The following CEP295 variants were observed in gnomAD, a reference collection of about 807,000 sequenced individuals.
CEP295 encodes the protein centrosomal protein 295.
Under a neutral mutation model 291.6 loss-of-function variants are expected in CEP295, and 190 were observed. The ratio of observed to expected loss-of-function variants is 0.65; its 90% confidence interval spans 0.58 to 0.73. CEP295 has a LOEUF of 0.73. Among genes scored for constraint, CEP295 ranks in the 30% least tolerant of loss-of-function variants. CEP295 has a pLI of 0.00. For synonymous variants in CEP295, 993 were observed against 1,038.8 expected, an observed-to-expected ratio of 0.96 and a Z score of 0.85; for missense variants, 2,863 against 2,949.4, an observed-to-expected ratio of 0.97 and a Z score of 0.68.
rs758795453 is a variant in CEP295 at position 93,725,657 on chromosome 11, G to A, written c.6325G>A (p.Asp2109Asn). ...PDNRDFYQRS[D>N]SSSESHCATG... ...CCCTTTTGTTTCCTGCCAGAGATCA[G>A]ATTCTTCATCTGAAAGCCACTGTGC... Residue 2109 changes from aspartate (D) to asparagine (N), a missense_variant, in exon 23 of 30, where the codon GAT (aspartate) becomes AAT (asparagine). Asp to Asn is a conservative substitution (Grantham distance 23). Transcript: ENST00000325212. The A allele has an allele frequency of 5.9e-6, 9 of 1,537,988 alleles. No homozygotes were observed. In the South Asian group the frequency reaches 1.1e-4, roughly 19 times the overall value.
chr11:93,694,744 C>T (rs994931790), intron 12 of CEP295, among the ~76,000 whole-genome samples: 1 of 152,230 alleles, frequency 6.6e-6, no homozygotes, highest in Admixed American at 6.5e-5. Context: ...TTTCATCACA[C>T]TACTTAGAAT....
chr11:93,707,974 T>C (rs1049789499), intron 18 of CEP295, among the ~76,000 whole-genome samples: 1 of 152,232 alleles, frequency 6.6e-6, no homozygotes, highest in African/African-American at 2.4e-5. Context: ...CTGTAAAGGA[T>C]ATAATTTTCA....
chr11:93,713,636 AGATAGTCTTC>A, intron 18 of CEP295, among the ~76,000 whole-genome samples: 1 of 152,176 alleles, frequency 6.6e-6, no homozygotes, highest in South Asian at 2.1e-4. Context: ...AAATGCCTTG[AGATAGTCTTC>A]TTTGGGTTAA....
rs186069638 is a variant in CEP295 at position 93,725,778 on chromosome 11, C to G, written c.6446C>G (p.Thr2149Ser). Residue 2149 changes from threonine to serine, a missense_variant, in exon 23 of 30, where the codon ACT (threonine) becomes AGT (serine). By Grantham distance (58) the Thr-to-Ser change is moderately conservative (BLOSUM62 1). This residue lies in a region of CEP295 where 2,295 missense variants were observed against 2,335.7 expected (regional missense o/e 0.98). Transcript: ENST00000325212. ...LNTSPNQQPD[T>S]NLAHVGAHSF... is the part of the protein sequence containing the mutation. ...ACAAGTCCGAATCAACAACCTGACA[C>G]TAACTTGGCTCATGTTGGAGCTCAC... 409 of 1,551,688 alleles carry G rather than the reference C, an allele frequency of 2.6e-4. No individual in the cohort carries two copies. Among genetic ancestry groups the G allele is most frequent in the Non-Finnish European group, 3.4e-4 (392 of 1,146,976 alleles).
At chr11:93,696,600 T>A (rs939589096) in intron 14 of CEP295, 82 bp from the exon 15 acceptor site, 2 of 1,285,924 alleles carry the variant, frequency 1.6e-6, no homozygotes, top group African/African-American at 3.0e-5. Flanking sequence ...CCTAGATTGC[T>A]GTTTGTTAAA....
chr11:93,679,504 G>C lies in CEP295; in HGVS notation c.717G>C (p.Lys239Asn). The change falls in exon 7 of 30, where the codon AAG becomes AAC. Residue 239 changes from lysine (K) to asparagine (N), a missense_variant. Transcript: ENST00000325212. ...AAGAGAGAATGGAACGGTTTGAAAA[G>C]GCACATGTACGGGGATTCCAAGCAA... ...AAQERMERFE[K>N]AHVRGFQAMK... 2 of 1,551,478 alleles carry C rather than the reference G, an allele frequency of 1.3e-6. No homozygotes were observed. Among genetic ancestry groups the C allele is most frequent in the Non-Finnish European group, 1.7e-6 (2 of 1,146,860 alleles).
chr11:93,717,238 G>A (rs1953335889), intron 18 of CEP295, among the ~76,000 whole-genome samples: 3 of 152,136 alleles, frequency 2.0e-5, no homozygotes, highest in Admixed American at 1.3e-4. Flanking sequence ...CGTCTCTCTT[G>A]CTCCACCCCT....
chr11:93,711,199 T>C (rs988771544), intron 18 of CEP295, among the ~76,000 whole-genome samples: 9 of 152,146 alleles, frequency 5.9e-5, no homozygotes, highest in African/African-American at 2.2e-4. Context: ...TTTAGGTTGT[T>C]GATTTGAAGT....
chr11:93,670,210 T>G lies in CEP295; in HGVS notation c.528+440T>G, dbSNP rs530370757. ...ATTAGGCTTTCCCACACTCTGAATT[T>G]GGCTTATTTTAAATGGTCAATATTT... On this transcript the variant is annotated intron_variant, in intron 5 of 29. Coordinates refer to ENST00000325212, the MANE Select transcript of CEP295 (RefSeq NM_033395.2). 3.9e-5 allele frequency among the ~76,000 whole-genome samples: 6 copies of G among 152,268 alleles called. No homozygotes were observed. In the South Asian group the frequency reaches 6.2e-4, roughly 16 times the overall value.
In CEP295 at chr11:93,693,531, G is replaced by A. The variant is rs914018288; in HGVS notation, c.1533+1501G>A. The stretch of plus-strand genomic sequence containing the variant: ...AGTACTTTGGGAGGCTTAGGCGGGC[G>A]GATCACCTGAGGTCAGGAGTTTGAG... On this transcript the variant is annotated intron_variant, in intron 12 of 29. Transcript: ENST00000325212. Among the ~76,000 whole-genome samples, 3 of 152,176 alleles carry A rather than the reference G, an allele frequency of 2.0e-5. No individual in the cohort carries two copies. In the East Asian group the frequency reaches 5.8e-4, roughly 29 times the overall value.
At chr11:93,718,202 C>T (rs1408855330) in intron 18 of CEP295, among the ~76,000 whole-genome samples, 3 of 152,210 alleles carry the variant, frequency 2.0e-5, no homozygotes, top group Non-Finnish European at 2.9e-5. Context: ...TGAGCCACCA[C>T]GCCTGGTCCA....
chr11:93,683,553 T>C lies in CEP295; in HGVS notation c.766-6T>C, dbSNP rs1414530603. On this transcript the variant is annotated splice_region_variant and splice_polypyrimidine_tract_variant and intron_variant, in intron 7 of 29. Transcript: ENST00000325212. ...CAGTTTTTGTTAATTCTCTTTATTC[T>C]TGAAGAATCAGGAGAAACTAATGAA... is the stretch of plus-strand genomic sequence containing the variant. 1 of 1,496,392 alleles carries C rather than the reference T, an allele frequency of 6.7e-7. No homozygotes were observed. Among genetic ancestry groups the C allele is most frequent in the Non-Finnish European group, 8.9e-7 (1 of 1,128,246 alleles). The allele number at this position is 1,496,392 out of a possible 1,614,324, so 92.7% of individuals were successfully genotyped here.
Position 93,725,790 on chromosome 11 carries a change from A to G in CEP295, c.6458A>G (p.His2153Arg), listed in dbSNP as rs1362192651. 7.1e-6 allele frequency: 11 copies of G among 1,551,368 alleles called. No individual in the cohort carries two copies. The highest frequency in any genetic ancestry group is 5.5e-5 in the African/African-American group (4 of 73,038). The change falls in exon 23 of 30, where the codon CAT (histidine) becomes CGT (arginine). Residue 2153 changes from histidine to arginine, a missense_variant. His to Arg is a conservative substitution (Grantham distance 29). Transcript: ENST00000325212. ...CAACAACCTGACACTAACTTGGCTC[A>G]TGTTGGAGCTCACAGTTTTGCTACA... ...PNQQPDTNLA[H>R]VGAHSFATEN...
rs546062443 is a variant in CEP295, at chr11:93,696,718, A to G, written c.1806A>G (p.Gln602=). 1.7e-5 allele frequency: 26 copies of G among 1,550,854 alleles called. No individual in the cohort carries two copies. In the East Asian group the frequency reaches 3.9e-4, roughly 23 times the overall value. Residue 602 remains glutamine (Q), a synonymous_variant, in exon 15 of 30, where the codon CAA becomes CAG. Transcript: ENST00000325212. ...HRQSVETARK[Q]LLEYQTMLKG... is the part of the protein sequence containing the mutation. ...AGTCTGTTGAAACAGCCAGGAAACA[A>G]TTACTTGAATATCAAACTATGTTAA... is the stretch of plus-strand genomic sequence containing the variant.
rs1011192637 is a variant in CEP295 at position 93,727,223 on chromosome 11, T to C, written c.6747T>C (p.Asp2249=). ...YSSSDEANVF[D]QLNVQHSTPC... Reference sequence around the variant, plus strand: ...CATCTGATGAAGCTAATGTATTTGATCAGTTAAATGTACAGCATAGCACTC... The same window carrying C: ...CATCTGATGAAGCTAATGTATTTGACCAGTTAAATGTACAGCATAGCACTC... Residue 2249 remains aspartate, a synonymous_variant, in exon 24 of 30, where the codon GAT becomes GAC. Coordinates refer to ENST00000325212, the MANE Select transcript of CEP295 (RefSeq NM_033395.2). 1 of 1,551,654 alleles carries C rather than the reference T, an allele frequency of 6.4e-7. No individual in the cohort carries two copies. Among genetic ancestry groups the C allele is most frequent in the African/African-American group, 1.4e-5 (1 of 73,174 alleles).
chr11:93,711,399 T>C (rs550564984), intron 18 of CEP295, among the ~76,000 whole-genome samples: 2 of 152,356 alleles, frequency 1.3e-5, no homozygotes, highest in Admixed American at 1.3e-4. Flanking sequence ...TCCATGTGTT[T>C]GTATAGTTTC....
chr11:93,663,368 C>T (rs1950073856), intron 1 of CEP295, among the ~76,000 whole-genome samples: 1 of 152,210 alleles, frequency 6.6e-6, no homozygotes, highest in South Asian at 2.1e-4. Flanking sequence ...CCCATTTTCC[C>T]TCACACACGC....
chr11:93,720,248 G>A (rs111936415), intron 18 of CEP295, among the ~76,000 whole-genome samples: 17 of 151,780 alleles, frequency 1.1e-4, no homozygotes, highest in African/African-American at 2.7e-4. Context: ...CGAGGTGGGC[G>A]GATCACCTGA....
chr11:93,683,782 A>G lies in CEP295; in HGVS notation c.949+40A>G, dbSNP rs967238642. The G allele has an allele frequency of 1.6e-5, 24 of 1,503,214 alleles. No individual in the cohort carries two copies. The African/African-American group carries it at 2.8e-4, about 18-fold the overall frequency. The allele number at this position is 1,503,214 out of a possible 1,614,324, so 93.1% of individuals were successfully genotyped here. A position where few individuals can be genotyped will look rare whatever the true frequency, so the allele number is the denominator to read the frequency against. On this transcript the variant is annotated intron_variant, in intron 8 of 29. Coordinates refer to ENST00000325212, the MANE Select transcript of CEP295 (RefSeq NM_033395.2). ...GTAGGGCTTTCAATAGTGATTTTAT[A>G]CGTTTTGGTGGGAAAATATGTTTGT...
Sources: gnomAD v4.1 joint callset for allele counts (sites outside exome capture counted in the v4.1 genomes callset) on GRCh38, gnomAD v4.1.1 for gene constraint, gnomAD v4.1.1 regional missense constraint, MANE v1.5 for transcripts, NCBI Gene and HGNC (gene_info 2026-07-23, HGNC 2026-07-21) for gene names.